AGBL1: variants seen among roughly 807,000 people sequenced by gnomAD.
AGBL1 encodes the protein cytosolic carboxypeptidase 4.
A neutral mutation model predicts 118.9 loss-of-function variants in AGBL1; 130 were observed. That is an observed-to-expected ratio of 1.09 (90% CI 0.95 to 1.26). The LOEUF (loss-of-function observed/expected upper bound fraction) is 1.26. AGBL1 is among the 50% of genes most tolerant of loss of function. AGBL1 has a pLI of 0.00. For missense variants in AGBL1, 1,584 were observed against 1,298.1 expected (o/e 1.22, Z -3.38); for synonymous variants, 555 against 478.9 (o/e 1.16, Z -2.08).
At chr15:86,474,766 C>A (rs996397380) in intron 18 of AGBL1, among the ~76,000 whole-genome samples, 4 of 152,346 alleles carry the variant, frequency 2.6e-5, no homozygotes, top group Admixed American at 2.6e-4. Flanking sequence ...TGAGAACGGA[C>A]AGACTGCCTC....
chr15:86,568,477 T>G (rs2083951526), intron 21 of AGBL1, among the ~76,000 whole-genome samples: 1 of 152,200 alleles, frequency 6.6e-6, no homozygotes, highest in Admixed American at 6.5e-5. Context: ...TTTGTGAAAA[T>G]CAAATGGAGG....
In AGBL1 at chr15:86,725,240, A is replaced by T. The variant is rs115960067; in HGVS notation, c.3158+50804A>T. On this transcript the variant is annotated intron_variant, in intron 22 of 22. Coordinates refer to ENST00000614907, the MANE Select transcript of AGBL1 (RefSeq NM_001386094.1). ...TTGTTTCATTCAAGGAGCTCATAGG[A>T]GCTCTGGTTCTCATGTATTTCCAAG... is the stretch of plus-strand genomic sequence containing the variant. Among the ~76,000 whole-genome samples, 436 of 152,356 alleles carry T rather than the reference A, an allele frequency of 2.9e-3. 5 individuals carry two copies. The highest frequency in any genetic ancestry group is 9.2e-3 in the African/African-American group (381 of 41,584).
chr15:86,813,134 A>G (rs2078813497), intron 22 of AGBL1, among the ~76,000 whole-genome samples: 1 of 152,078 alleles, frequency 6.6e-6, no homozygotes, highest in Admixed American at 6.6e-5. Flanking sequence ...ACAAGGAGTC[A>G]TGAAACAGCC....
chr15:86,680,991 T>C (rs2085944770), intron 22 of AGBL1, among the ~76,000 whole-genome samples: 2 of 152,204 alleles, frequency 1.3e-5, no homozygotes, highest in Admixed American at 6.5e-5. Flanking sequence ...CTCTTGTGTG[T>C]GTGGTTTAGT....
downstream of AGBL1, among the ~76,000 whole-genome samples, chr15:87,030,473 A>C (rs992330684): frequency 3.9e-5 from 6 of 152,006 alleles, no homozygotes; most frequent in Admixed American, 2.6e-4. Flanking sequence ...TTCTATTTAC[A>C]ACTCTTTGCT....
chr15:86,929,111 T>G (rs2080577976), intron 23 of AGBL1, among the ~76,000 whole-genome samples: 1 of 152,200 alleles, frequency 6.6e-6, no homozygotes, highest in Non-Finnish European at 1.5e-5. Flanking sequence ...CTGTCTGCCA[T>G]GTCCTCCTCC....
intron 21 of AGBL1, among the ~76,000 whole-genome samples, chr15:86,617,784 AC>A (rs1244091232): frequency 1.3e-5 from 2 of 151,948 alleles, no homozygotes; most frequent in African/African-American, 4.8e-5. Flanking sequence ...ACACACACAC[AC>A]ACACACACAG....
intron 6 of AGBL1, among the ~76,000 whole-genome samples, chr15:86,241,223 A>C (rs2075059672): frequency 6.6e-6 from 1 of 152,152 alleles, no homozygotes. Context: ...AATTTTACTT[A>C]TTTTGAAATT....
intron 22 of AGBL1, among the ~76,000 whole-genome samples, chr15:86,813,189 A>T (rs982230589): frequency 9.7e-5 from 10 of 102,606 alleles, no homozygotes; most frequent in African/African-American, 2.6e-4. Context: ...ATGATGGGTC[A>T]CACCTTTGAG....
intron 1 of AGBL1, among the ~76,000 whole-genome samples, chr15:86,088,772 T>A (rs2141456784): frequency 6.6e-6 from 1 of 152,332 alleles, no homozygotes; most frequent in Non-Finnish European, 1.5e-5. Context: ...GGTTTTCAAT[T>A]CTCAGTTTAA....
At chr15:86,175,079 G>T (rs1004396678) in intron 5 of AGBL1, among the ~76,000 whole-genome samples, 5 of 152,006 alleles carry the variant, frequency 3.3e-5, no homozygotes, top group African/African-American at 1.2e-4. Flanking sequence ...AGAAAAATTG[G>T]TGTTAGTACT....
chr15:86,186,816 C>T (rs1567112724), intron 5 of AGBL1, among the ~76,000 whole-genome samples: 2 of 152,168 alleles, frequency 1.3e-5, no homozygotes, highest in East Asian at 3.8e-4. Flanking sequence ...GGCTTTTATG[C>T]TGCTGTTTTA....
intron 21 of AGBL1, among the ~76,000 whole-genome samples, chr15:86,645,529 C>G (rs1287294209): frequency 2.0e-5 from 3 of 152,152 alleles, no homozygotes; most frequent in Non-Finnish European, 2.9e-5. Flanking sequence ...GGCACATTGC[C>G]TAGAGTGTGG....
chr15:86,258,439 C>T (rs1597637274), intron 9 of AGBL1, among the ~76,000 whole-genome samples: 1 of 152,260 alleles, frequency 6.6e-6, no homozygotes, highest in East Asian at 1.9e-4. Context: ...CTGCATTGTA[C>T]AATTCCATTG....
chr15:86,437,478 C>T (rs991892945), intron 18 of AGBL1, among the ~76,000 whole-genome samples: 7 of 152,168 alleles, frequency 4.6e-5, no homozygotes, highest in African/African-American at 1.7e-4. Context: ...GTCCCTTCTT[C>T]ACAGTCTGGT....
chr15:86,987,309 G>T (rs2081295269), intron 23 of AGBL1, among the ~76,000 whole-genome samples: 2 of 152,070 alleles, frequency 1.3e-5, no homozygotes, highest in African/African-American at 2.4e-5. Context: ...AATTGCTATT[G>T]CTAGTACATA....
intron 22 of AGBL1, among the ~76,000 whole-genome samples, chr15:86,905,750 C>T (rs867824527): frequency 6.6e-6 from 1 of 152,152 alleles, no homozygotes. Context: ...CACCTCCATA[C>T]CTAGCATGAT....
At chr15:86,196,835 C>A (rs556291134) in intron 5 of AGBL1, among the ~76,000 whole-genome samples, 5 of 150,366 alleles carry the variant, frequency 3.3e-5, no homozygotes, top group African/African-American at 1.2e-4. Flanking sequence ...TTCTCTCTTT[C>A]CTCCTCTCCC....
intron 23 of AGBL1, among the ~76,000 whole-genome samples, chr15:86,964,625 A>T (rs915927170): frequency 6.6e-6 from 1 of 151,604 alleles, no homozygotes; most frequent in Non-Finnish European, 1.5e-5. Context: ...TGCTTCTAAA[A>T]GAAATAGAAA....
Sources: allele counts gnomAD v4.1 joint callset (sites outside exome capture counted in the v4.1 genomes callset), GRCh38; gene constraint gnomAD v4.1.1; transcripts MANE v1.5; gene names NCBI Gene and HGNC (gene_info 2026-07-23, HGNC 2026-07-21).